Variants in MAP10 observed in about 807,000 individuals in gnomAD.
The protein encoded by MAP10 is microtubule associated protein 10.
In MAP10, 10 loss-of-function variants were observed where a neutral mutation model predicts 6.3. That is an observed-to-expected ratio of 1.58 (90% CI 0.98 to 2.69). The LOEUF is 2.69. Among genes scored for constraint, MAP10 ranks in the 30% most tolerant of loss-of-function variants. MAP10 has a pLI of 0.00. For synonymous variants in MAP10, 459 were observed against 429.3 expected (o/e 1.07, Z -0.86); for missense variants, 1,189 against 1,086.5 (o/e 1.09, Z -1.33).
Position 232,808,077 on chromosome 1 carries a change from CAAT to C in MAP10, c.2629_2631del (p.Asn877del). On this transcript the variant is annotated inframe_deletion, in exon 1 of 1. Transcript: ENST00000418460. ...GTACATCAGATCACTTTGAAGAAGG[CAAT>C]GATGATGTTGGTTCACTAAATATTT... The C allele has an allele frequency of 1.9e-6, 3 of 1,606,100 alleles. No homozygotes were observed. The highest frequency in any genetic ancestry group is 1.1e-5 in the South Asian group (1 of 90,024).
the MAP10 span, chr1:232,807,770 C>A: frequency 6.2e-7 from 1 of 1,613,072 alleles, no homozygotes; most frequent in South Asian, 1.1e-5. Context: ...CCTGTACACT[C>A]ATACAGAAAA....
chr1:232,805,611 C>A, the MAP10 span: 1 of 1,563,562 alleles, frequency 6.4e-7, no homozygotes, highest in South Asian at 1.2e-5. Context: ...GCGGTCTGTG[C>A]CCCGCCGTGG....
chr1:232,808,011 C>T lies in MAP10; in HGVS notation c.2562C>T (p.Tyr854=), dbSNP rs201550699. Residue 854 remains tyrosine, a synonymous_variant, in exon 1 of 1, where the codon TAC becomes TAT. Coordinates refer to ENST00000418460, the MANE Select transcript of MAP10 (RefSeq NM_019090.3). ...QSPQTSQVSS[Y]LPSNVSELNV... ...CACAAACATCCCAGGTGAGTTCTTA[C>T]CTGCCTTCAAATGTGTCCGAACTTA... The T allele has an allele frequency of 1.7e-4, 282 of 1,613,432 alleles. No individual in the cohort carries two copies. Among genetic ancestry groups the T allele is most frequent in the Non-Finnish European group, 2.3e-4 (274 of 1,179,612 alleles).
chr1:232,806,771 C>A lies in MAP10; in HGVS notation c.1322C>A (p.Ser441Tyr), dbSNP rs763386839. 5.0e-6 allele frequency: 8 copies of A among 1,613,674 alleles called. No homozygotes were observed. Among genetic ancestry groups the A allele is most frequent in the Middle Eastern group, 1.6e-4 (1 of 6,080 alleles). The change falls in exon 1 of 1, where the codon TCC (serine) becomes TAC (tyrosine). Residue 441 changes from serine (S) to tyrosine (Y), a missense_variant. Physicochemically the swap from Ser to Tyr is moderately radical, Grantham distance 144. Transcript: ENST00000418460. Reference sequence around the variant, plus strand: ...AAGTCACCCGAATCTTCTGCCAAATCCACATGCCGGTCTGAAGCCAAGAAG... The same window carrying A: ...AAGTCACCCGAATCTTCTGCCAAATACACATGCCGGTCTGAAGCCAAGAAG... ...DKKSPESSAKSTCRSEAKKDK... is the reference protein window; with the variant it reads ...DKKSPESSAKYTCRSEAKKDK...
At position 232,806,068 on chromosome 1, in the gene MAP10, G is replaced by A; in HGVS notation, c.619G>A (p.Val207Ile). ...TFTRTGGGAEVSPQTQQERQQ... is the reference protein window; with the variant it reads ...TFTRTGGGAEISPQTQQERQQ... ...CACCCGCACAGGAGGAGGAGCGGAGGTCAGTCCCCAAACCCAGCAGGAAAG... is the reference window on the plus strand; with the variant it reads ...CACCCGCACAGGAGGAGGAGCGGAGATCAGTCCCCAAACCCAGCAGGAAAG... Residue 207 changes from valine (V) to isoleucine (I), a missense_variant, in exon 1 of 1, where the codon GTC becomes ATC. Transcript: ENST00000418460. 6.2e-7 allele frequency: 1 copy of A among 1,614,026 alleles called. No homozygotes were observed. The highest frequency in any genetic ancestry group is 1.1e-5 in the South Asian group (1 of 91,076).
In MAP10 at chr1:232,807,202, G is replaced by A. The variant is rs1331060073; in HGVS notation, c.1753G>A (p.Glu585Lys). ...AAGACAAATCAGTGGAGTTTTTGAT[G>A]AGCCCAGCACAAGTAAAGAAACTAA... ...TSRQISGVFD[E>K]PSTSKETKLK... Residue 585 changes from glutamate to lysine, a missense_variant, in exon 1 of 1, where the codon GAG (glutamate) becomes AAG (lysine). Coordinates refer to ENST00000418460, the MANE Select transcript of MAP10 (RefSeq NM_019090.3). The A allele has an allele frequency of 3.2e-5, 52 of 1,613,532 alleles. No homozygotes were observed. The highest frequency in any genetic ancestry group is 4.4e-5 in the Non-Finnish European group (52 of 1,179,708).
At position 232,805,591 on chromosome 1, in the gene MAP10, T is replaced by C. The variant is rs1478736439; in HGVS notation, c.142T>C (p.Ser48Pro). The change falls in exon 1 of 1, where the codon TCG (serine) becomes CCG (proline). Residue 48 changes from serine to proline, a missense_variant. Physicochemically the swap from Ser to Pro is moderately conservative, Grantham distance 74 (BLOSUM62 -1). Coordinates refer to ENST00000418460, the MANE Select transcript of MAP10 (RefSeq NM_019090.3). ...GGAGGAAAAGGAGCAGGGGGAGGCC[T>C]CGTCGCCGCGCGGTCTGTGCCCCGC... ...EEEEKEQGEA[S>P]SPRGLCPAVA... 6.4e-7 allele frequency: 1 copy of C among 1,556,344 alleles called. No individual in the cohort carries two copies.
Position 232,806,032 on chromosome 1 carries a change from C to T in MAP10, c.583C>T (p.Pro195Ser). Residue 195 changes from proline (P) to serine (S), a missense_variant, in exon 1 of 1, where the codon CCC (proline) becomes TCC (serine). Coordinates refer to ENST00000418460, the MANE Select transcript of MAP10 (RefSeq NM_019090.3). The part of the protein sequence containing the change: ...GSRLLSQLER[P>S]LTFTRTGGGA... ...CCGCCTGCTGAGCCAACTTGAGCGG[C>T]CCCTCACCTTCACCCGCACAGGAGG... 4 of 1,613,954 alleles carry T rather than the reference C, an allele frequency of 2.5e-6. No homozygotes were observed. The highest frequency in any genetic ancestry group is 1.7e-6 in the Non-Finnish European group (2 of 1,179,876).
rs200470414 is a variant in MAP10, at chr1:232,805,786, C to G, written c.337C>G (p.Leu113Val). 157 of 1,598,774 alleles carry G rather than the reference C, an allele frequency of 9.8e-5. No individual in the cohort carries two copies. The African/African-American group carries it at 1.8e-3, about 18-fold the overall frequency. Residue 113 changes from leucine to valine, a missense_variant, in exon 1 of 1, where the codon CTT (leucine) becomes GTT (valine). Coordinates refer to ENST00000418460, the MANE Select transcript of MAP10 (RefSeq NM_019090.3). ...GCACTGCCGGCTCCTGCGGACCCCGCTTGCCACCTTGCTGCTGCAGCTGCC... is the reference window on the plus strand; with the variant it reads ...GCACTGCCGGCTCCTGCGGACCCCGGTTGCCACCTTGCTGCTGCAGCTGCC... ...TLHCRLLRTP[L>V]ATLLLQLPPG... is the part of the protein sequence containing the mutation.
At position 232,809,250 on chromosome 1, in the gene MAP10, G is replaced by A. The variant is rs1253557091; in HGVS notation, c.*1083G>A. 1.3e-5 allele frequency among the ~76,000 whole-genome samples: 2 copies of A among 151,820 alleles called. No homozygotes were observed. Among genetic ancestry groups the A allele is most frequent in the African/African-American group, 4.8e-5 (2 of 41,368 alleles). On this transcript the variant is annotated 3_prime_UTR_variant, in exon 1 of 1. Coordinates refer to ENST00000418460, the MANE Select transcript of MAP10 (RefSeq NM_019090.3). ...AAATATTTACATATATTTTCTTCTA[G>A]CTGTGTTATACTTTAATTTTTAGAC...
In MAP10 at chr1:232,805,619, T is replaced by G; in HGVS notation, c.170T>G (p.Val57Gly). 6.4e-7 allele frequency: 1 copy of G among 1,568,760 alleles called. No individual in the cohort carries two copies. The highest frequency in any genetic ancestry group is 8.6e-7 in the Non-Finnish European group (1 of 1,160,062). ...ASSPRGLCPA[V>G]AFRLLDFPTL... is the part of the protein sequence containing the mutation. Reference sequence around the variant, plus strand: ...TCGCCGCGCGGTCTGTGCCCCGCCGTGGCCTTCCGCCTGCTGGACTTCCCC... The same window carrying G: ...TCGCCGCGCGGTCTGTGCCCCGCCGGGGCCTTCCGCCTGCTGGACTTCCCC... The change falls in exon 1 of 1, where the codon GTG becomes GGG. Residue 57 changes from valine (V) to glycine (G), a missense_variant. Val to Gly is a moderately radical substitution (Grantham distance 109). Transcript: ENST00000418460.
rs1666144572 is a variant in MAP10, at chr1:232,808,418, T to C, written c.*251T>C. The C allele has an allele frequency of 3.2e-6, 1 of 314,464 alleles. No homozygotes were observed. Among genetic ancestry groups the C allele is most frequent in the Non-Finnish European group, 6.2e-6 (1 of 162,468 alleles). The allele number at this position is 314,464 out of a possible 1,614,324, so 19.5% of individuals were successfully genotyped here. On this transcript the variant is annotated 3_prime_UTR_variant, in exon 1 of 1. Transcript: ENST00000418460. ...GTGTGTCTTTCTAAATTGTCTCTCT[T>C]AAAGTGTCTAGTCTACAGTATTGAT...
In MAP10 at chr1:232,806,896, A is replaced by C; in HGVS notation, c.1447A>C (p.Ser483Arg). The C allele has an allele frequency of 6.2e-7, 1 of 1,608,716 alleles. No homozygotes were observed. Among genetic ancestry groups the C allele is most frequent in the South Asian group, 1.1e-5 (1 of 89,668 alleles). ...YKEDKYSEKS[S>R]GALHKRVPKG... ...GGAAGATAAATATTCTGAAAAGAGC[A>C]GTGGTGCCCTCCATAAAAGAGTTCC... Residue 483 changes from serine (S) to arginine (R), a missense_variant, in exon 1 of 1, where the codon AGT (serine) becomes CGT (arginine). Ser to Arg is a moderately radical substitution (Grantham distance 110). Coordinates refer to ENST00000418460, the MANE Select transcript of MAP10 (RefSeq NM_019090.3).
Position 232,807,870 on chromosome 1 carries a change from A to G in MAP10, c.2421A>G (p.Gln807=), listed in dbSNP as rs569604701. 1 of 1,613,750 alleles carries G rather than the reference A, an allele frequency of 6.2e-7. No individual in the cohort carries two copies. Among genetic ancestry groups the G allele is most frequent in the East Asian group, 2.2e-5 (1 of 44,876 alleles). ...TATCTTCAACACATTGGACTGAACA[A>G]AAAGAAAACCAGATAGATCAAAATA... ...SDLSSTHWTE[Q]KENQIDQNSM... is the part of the protein sequence containing the mutation. Residue 807 remains glutamine, a synonymous_variant, in exon 1 of 1, where the codon CAA becomes CAG. Transcript: ENST00000418460.
Position 232,805,723 on chromosome 1 carries a change from G to T in MAP10, c.274G>T (p.Gly92Cys), listed in dbSNP as rs1315028267. The T allele has an allele frequency of 1.9e-6, 3 of 1,604,110 alleles. No individual in the cohort carries two copies. Among genetic ancestry groups the T allele is most frequent in the Non-Finnish European group, 2.5e-6 (3 of 1,179,284 alleles). The change falls in exon 1 of 1, where the codon GGC (glycine) becomes TGC (cysteine). Residue 92 changes from glycine to cysteine, a missense_variant. By Grantham distance (159) the Gly-to-Cys change is radical (BLOSUM62 -3). Transcript: ENST00000418460. ...PWPGVIRFGR[G>C]KSCLFRLQPA... The stretch of plus-strand genomic sequence containing the variant: ...GCCCGGTGTCATCCGCTTCGGTCGC[G>T]GCAAGTCCTGCCTCTTCCGCCTGCA...
chr1:232,805,599 G>C lies in MAP10; in HGVS notation c.150G>C (p.Pro50=). The C allele has an allele frequency of 6.4e-7, 1 of 1,558,392 alleles. No individual in the cohort carries two copies. The highest frequency in any genetic ancestry group is 2.4e-5 in the East Asian group (1 of 41,618). ...EEKEQGEASS[P]RGLCPAVAFR... ...AGGAGCAGGGGGAGGCCTCGTCGCC[G>C]CGCGGTCTGTGCCCCGCCGTGGCCT... Residue 50 remains proline (P), a synonymous_variant, in exon 1 of 1, where the codon CCG becomes CCC. Coordinates refer to ENST00000418460, the MANE Select transcript of MAP10 (RefSeq NM_019090.3).
rs1666123290 is a variant in MAP10 at position 232,807,266 on chromosome 1, G to C, written c.1817G>C (p.Ser606Thr). The C allele has an allele frequency of 6.2e-7, 1 of 1,613,164 alleles. No homozygotes were observed. The highest frequency in any genetic ancestry group is 1.7e-4 in the Middle Eastern group (1 of 6,060). The change falls in exon 1 of 1, where the codon AGT (serine) becomes ACT (threonine). Residue 606 changes from serine to threonine, a missense_variant. Ser to Thr is a moderately conservative substitution (Grantham distance 58, BLOSUM62 1). Transcript: ENST00000418460. ...ACTGAAAAAAAGACAGTTGATTGTA[G>C]TAAAAATAGAATCAATAATGTTTCA... ...YATEKKTVDC[S>T]KNRINNVSLE...
chr1:232,805,984 TAC>T, the MAP10 span: 2 of 1,613,608 alleles, frequency 1.2e-6, no homozygotes, highest in South Asian at 2.2e-5. Flanking sequence ...TGCACTGGCC[TAC>T]CGCCTGACTG....
rs908978196 is a variant in MAP10, at chr1:232,806,064, G to A, written c.615G>A (p.Ala205=). The change falls in exon 1 of 1, where the codon GCG becomes GCA. Residue 205 remains alanine (A), a synonymous_variant. Coordinates refer to ENST00000418460, the MANE Select transcript of MAP10 (RefSeq NM_019090.3). ...CCTTCACCCGCACAGGAGGAGGAGC[G>A]GAGGTCAGTCCCCAAACCCAGCAGG... ...PLTFTRTGGG[A]EVSPQTQQER... 6.2e-7 allele frequency: 1 copy of A among 1,614,022 alleles called. No homozygotes were observed. Among genetic ancestry groups the A allele is most frequent in the South Asian group, 1.1e-5 (1 of 91,082 alleles).
Sources: allele counts gnomAD v4.1 joint callset (sites outside exome capture counted in the v4.1 genomes callset), GRCh38; gene constraint gnomAD v4.1.1; transcripts MANE v1.5; gene names NCBI Gene and HGNC (gene_info 2026-07-23, HGNC 2026-07-21).